The following EBF3 variants were observed in gnomAD, a reference collection of about 807,000 sequenced individuals.
The protein encoded by EBF3 is EBF transcription factor 3.
Under a neutral mutation model 77.1 loss-of-function variants are expected in EBF3, and 18 were observed. The observed-to-expected ratio is 0.23, with a 90% CI of 0.16 to 0.35. EBF3 has a LOEUF of 0.35. Ranked by LOEUF, EBF3 falls within the 10% of genes least tolerant of loss-of-function variation. EBF3 has a pLI of 1.00. For missense variants in EBF3, 558 were observed against 860.0 expected (o/e 0.65, Z 4.39); for synonymous variants, 350 against 343.5 (o/e 1.02, Z -0.21).
intron 6 of EBF3, among the ~76,000 whole-genome samples, chr10:129,916,580 G>T (rs1855899390): frequency 6.6e-6 from 1 of 152,234 alleles, no homozygotes; most frequent in African/African-American, 2.4e-5. Flanking sequence ...AGGCTCAGAG[G>T]AGCATGAAGG....
chr10:129,838,096 G>T (rs963461297), intron 16 of EBF3, 136 bp from the exon 17 acceptor site: 2 of 1,079,338 alleles, frequency 1.9e-6, no homozygotes, highest in Non-Finnish European at 2.7e-6. Flanking sequence ...CACCAGCCTC[G>T]GGCGTGGTTA....
chr10:129,945,615 G>A (rs552234612), intron 6 of EBF3, among the ~76,000 whole-genome samples: 68 of 152,280 alleles, frequency 4.5e-4, no homozygotes, highest in Admixed American at 1.2e-3. Flanking sequence ...GCAGGATCCC[G>A]GAGCTCTCTC....
At chr10:129,860,478 T>TG (rs1851541175) in intron 10 of EBF3, among the ~76,000 whole-genome samples, 2 of 152,218 alleles carry the variant, frequency 1.3e-5, no homozygotes, top group Non-Finnish European at 2.9e-5. Flanking sequence ...AGTCAATACC[T>TG]TCACCTTGAC....
Position 129,837,527 on chromosome 10 carries a change from A to C in EBF3, c.*416T>G. 5.1e-6 allele frequency: 1 copy of C among 194,752 alleles called. No homozygotes were observed. Among genetic ancestry groups the C allele is most frequent in the South Asian group, 9.6e-5 (1 of 10,418 alleles). The allele number at this position is 194,752 out of a possible 1,614,324, so 12.1% of individuals were successfully genotyped here. A position where few individuals can be genotyped will look rare whatever the true frequency, so the allele number is the denominator to read the frequency against. Reference sequence around the variant, plus strand: ...TGAATCTAAGTATGAGTACAGAAAAATGTTTGGAGGCATTTTTCATCAGCG... The same window carrying C: ...TGAATCTAAGTATGAGTACAGAAAACTGTTTGGAGGCATTTTTCATCAGCG... On this transcript the variant is annotated 3_prime_UTR_variant, in exon 17 of 17. Coordinates refer to ENST00000440978, the MANE Select transcript of EBF3 (RefSeq NM_001375380.1).
chr10:129,946,197 G>A (rs901574970), intron 6 of EBF3, among the ~76,000 whole-genome samples: 7 of 152,196 alleles, frequency 4.6e-5, no homozygotes, highest in South Asian at 2.1e-4. Context: ...CTGGCCTCGC[G>A]CGGACCCGCC....
At chr10:129,838,702 G>A (rs945015822) in intron 16 of EBF3, among the ~76,000 whole-genome samples, 5 of 152,204 alleles carry the variant, frequency 3.3e-5, no homozygotes, top group Non-Finnish European at 5.9e-5. Context: ...ATCTTTTACC[G>A]CTGGTGTTGT....
In EBF3 at chr10:129,943,293, A is replaced by G. The variant is rs551340492; in HGVS notation, c.554+13965T>C. ...TACAGGAGACAGCCTTGTAGAACTG[A>G]TTCCTTAATCAACAGTTAAAGAAGC... On this transcript the variant is annotated intron_variant, in intron 6 of 16. Coordinates refer to ENST00000440978, the MANE Select transcript of EBF3 (RefSeq NM_001375380.1). The surrounding 1 kb of genome is among the most constrained non-coding windows in gnomAD (Gnocchi z 8.8). Among the ~76,000 whole-genome samples, 12 of 152,364 alleles carry G rather than the reference A, an allele frequency of 7.9e-5. No homozygotes were observed. The South Asian group carries it at 2.5e-3, about 32-fold the overall frequency.
chr10:129,838,042 T>C, intron 16 of EBF3, 82 bp from the exon 17 acceptor site: 2 of 1,534,716 alleles, frequency 1.3e-6, no homozygotes, highest in Admixed American at 3.4e-5. Context: ...GGGGCTGCCC[T>C]TCCCCCCTAT....
intron 6 of EBF3, among the ~76,000 whole-genome samples, chr10:129,932,391 G>A (rs1365966865): frequency 6.6e-6 from 1 of 152,178 alleles, no homozygotes; most frequent in African/African-American, 2.4e-5. Flanking sequence ...GGCAAAGGGT[G>A]CCCCTGTACA....
chr10:129,846,241 C>T (rs897013300), intron 11 of EBF3, among the ~76,000 whole-genome samples: 1 of 151,652 alleles, frequency 6.6e-6, no homozygotes, highest in African/African-American at 2.4e-5. Flanking sequence ...TTCAAGCCAA[C>T]CCCCCTCTCT....
chr10:129,856,557 T>C (rs1404149502), intron 10 of EBF3, among the ~76,000 whole-genome samples: 2 of 152,212 alleles, frequency 1.3e-5, no homozygotes, highest in East Asian at 1.9e-4. Flanking sequence ...GGTAGATTCA[T>C]GGTTGCCAGG....
intron 7 of EBF3, among the ~76,000 whole-genome samples, chr10:129,876,892 C>A (rs1008080114): frequency 3.7e-5 from 4 of 107,976 alleles, no homozygotes; most frequent in South Asian, 4.9e-4. Flanking sequence ...TGAACCCCCC[C>A]CCCCCCCCCA....
chr10:129,912,615 G>A (rs552867169), intron 6 of EBF3, among the ~76,000 whole-genome samples: 18 of 152,096 alleles, frequency 1.2e-4, no homozygotes, highest in African/African-American at 3.4e-4. Flanking sequence ...ATTCTACATC[G>A]ACAAGAATAT....
intron 6 of EBF3, among the ~76,000 whole-genome samples, chr10:129,950,148 C>G (rs1025150016): frequency 3.9e-5 from 6 of 152,028 alleles, no homozygotes; most frequent in Non-Finnish European, 5.9e-5. Context: ...ACGCTGGAGC[C>G]GACTCCTTCC....
At chr10:129,934,450 C>A (rs375374773) in intron 6 of EBF3, among the ~76,000 whole-genome samples, 3 of 152,212 alleles carry the variant, frequency 2.0e-5, no homozygotes, top group Admixed American at 1.3e-4. Flanking sequence ...AACTAAGGCA[C>A]CTCGCCGCAC....
intron 6 of EBF3, among the ~76,000 whole-genome samples, chr10:129,900,687 T>C (rs145107852): frequency 6.6e-6 from 1 of 152,284 alleles, no homozygotes; most frequent in Non-Finnish European, 1.5e-5. Context: ...CCAACATTGA[T>C]GGTGCTGTAG....
intron 15 of EBF3, 131 bp downstream of exon 15, chr10:129,840,114 T>C: frequency 8.1e-7 from 1 of 1,231,338 alleles, no homozygotes; most frequent in East Asian, 2.6e-5. Flanking sequence ...GTGGCACGCA[T>C]CAAGGTGGGC....
intron 6 of EBF3, among the ~76,000 whole-genome samples, chr10:129,889,839 A>C (rs1400377058): frequency 6.7e-6 from 1 of 148,760 alleles, no homozygotes; most frequent in East Asian, 2.0e-4. Flanking sequence ...GTAGAGGCTC[A>C]GGACATGCAG....
At chr10:129,951,133 CGAG>C (rs1858645350) in intron 6 of EBF3, among the ~76,000 whole-genome samples, 1 of 152,240 alleles carries the variant, frequency 6.6e-6, no homozygotes, top group Non-Finnish European at 1.5e-5. Flanking sequence ...AAGGCTTTGA[CGAG>C]GCCAGCTTCT....
Sources: gnomAD v4.1 joint callset for allele counts (sites outside exome capture counted in the v4.1 genomes callset) on GRCh38, gnomAD v4.1.1 for gene constraint, Gnocchi (gnomAD v3.1) non-coding constraint, MANE v1.5 for transcripts, NCBI Gene and HGNC (gene_info 2026-07-23, HGNC 2026-07-21) for gene names.